The following USP34 variants were observed in gnomAD, a reference collection of about 807,000 sequenced individuals.
The protein encoded by USP34 is ubiquitin carboxyl-terminal hydrolase 34.
Under a neutral mutation model 460.3 loss-of-function variants are expected in USP34, and 70 were observed. The observed-to-expected ratio is 0.15, with a 90% CI of 0.13 to 0.19. USP34 has a LOEUF of 0.19. USP34 is among the 10% of genes least tolerant of loss of function. The pLI, the probability that USP34 is intolerant of heterozygous loss-of-function variation, is 1.00. For missense variants in USP34, 3,985 were observed against 4,236.2 expected (o/e 0.94, Z 1.65); for synonymous variants, 1,647 against 1,405.3 (o/e 1.17, Z -3.85).
chr2:61,262,563 C>A (rs549515770), intron 43 of USP34, among the ~76,000 whole-genome samples: 41 of 152,210 alleles, frequency 2.7e-4, no homozygotes, highest in Non-Finnish European at 2.1e-4. Context: ...ATATGTACCA[C>A]ATTTTCTTTA....
intron 20 of USP34, among the ~76,000 whole-genome samples, chr2:61,325,762 A>G (rs1031861020): frequency 3.3e-5 from 5 of 152,174 alleles, no homozygotes; most frequent in Non-Finnish European, 7.4e-5. Context: ...TAACACACAC[A>G]TAAGTTAGAA....
chr2:61,281,275 G>C (rs1689528675), intron 37 of USP34, 33 bp from the exon 38 acceptor site: 14 of 1,594,582 alleles, frequency 8.8e-6, no homozygotes, highest in Non-Finnish European at 1.1e-5. Context: ...CAAACAGTGA[G>C]AGTTAGTATT....
chr2:61,299,867 C>T (rs924917278), intron 29 of USP34, among the ~76,000 whole-genome samples: 2 of 152,176 alleles, frequency 1.3e-5, no homozygotes, highest in Admixed American at 1.3e-4. Flanking sequence ...CAAGTGATTA[C>T]CTGACATCTC....
intron 49 of USP34, among the ~76,000 whole-genome samples, chr2:61,247,844 G>C (rs1277999083): frequency 6.6e-6 from 1 of 151,516 alleles, no homozygotes; most frequent in Non-Finnish European, 1.5e-5. Context: ...GCCCACACTG[G>C]AGTGCAGTAG....
chr2:61,297,603 A>C (rs10518917), intron 29 of USP34, among the ~76,000 whole-genome samples: 4,442 of 152,320 alleles, frequency 0.029, 226 homozygotes, highest in African/African-American at 0.1. Context: ...TTTTCCACGG[A>C]GTATAAATTT....
chr2:61,334,702 T>C (rs1175758691), intron 18 of USP34, among the ~76,000 whole-genome samples: 1 of 152,230 alleles, frequency 6.6e-6, no homozygotes, highest in Non-Finnish European at 1.5e-5. Flanking sequence ...TGTTTGACGT[T>C]AGAGAAATAA....
chr2:61,280,332 T>C lies in USP34; in HGVS notation c.5168A>G (p.Glu1723Gly). 1 of 1,524,944 alleles carries C rather than the reference T, an allele frequency of 6.6e-7. No individual in the cohort carries two copies. The highest frequency in any genetic ancestry group is 1.4e-5 in the South Asian group (1 of 73,024). 94.5% of individuals were successfully genotyped at this position (1,524,944 alleles called of 1,614,324 possible). Residue 1723 changes from glutamate to glycine, a missense_variant, in exon 39 of 80, where the codon GAA (glutamate) becomes GGA (glycine). Glu to Gly is a moderately conservative substitution (Grantham distance 98). Transcript: ENST00000398571. ...ACATCCTGGTTTTAATATTGGTTCT[T>C]CCTCATAATCATCTATCTATTAAAA... Reference protein sequence around the residue: ...LKPIRIDDYEEEPILKPGCKE... With the variant: ...LKPIRIDDYEGEPILKPGCKE...
Position 61,342,133 on chromosome 2 carries a change from G to T in USP34, c.2500+1682C>A, listed in dbSNP as rs552342066. 1.3e-4 allele frequency among the ~76,000 whole-genome samples: 20 copies of T among 152,098 alleles called. No individual in the cohort carries two copies. The South Asian group carries it at 4.0e-3, about 30-fold the overall frequency. On this transcript the variant is annotated intron_variant, in intron 16 of 79. Transcript: ENST00000398571. Reference sequence around the variant, plus strand: ...AAGTGATTATATTTTATGTTCAACAGCAAGTTATGACAGTTCCAGCTCCAC... The same window carrying T: ...AAGTGATTATATTTTATGTTCAACATCAAGTTATGACAGTTCCAGCTCCAC...
At chr2:61,433,361 C>T (rs976914604) in intron 1 of USP34, among the ~76,000 whole-genome samples, 49 of 152,294 alleles carry the variant, frequency 3.2e-4, no homozygotes, top group African/African-American at 1.0e-3. Context: ...CGGCCAGGTG[C>T]GGTGGCTCAT....
intron 16 of USP34, among the ~76,000 whole-genome samples, chr2:61,341,739 C>CT (rs371415521): frequency 9.2e-5 from 14 of 151,642 alleles, no homozygotes; most frequent in African/African-American, 2.9e-4. Flanking sequence ...TATAAACTAC[C>CT]CAGACTCAGG....
chr2:61,249,309 G>A (rs1433655314), intron 48 of USP34, among the ~76,000 whole-genome samples: 1 of 152,186 alleles, frequency 6.6e-6, no homozygotes, highest in East Asian at 1.9e-4. Flanking sequence ...TACTGCGAAG[G>A]TAACCAAAAG....
At chr2:61,278,341 T>C in intron 40 of USP34, 47 bp downstream of exon 40, 1 of 1,609,058 alleles carries the variant, frequency 6.2e-7, no homozygotes, top group South Asian at 1.1e-5. Context: ...ATTATGTCTT[T>C]TATCTTTCCT....
At chr2:61,215,329 T>A (rs962017248) in intron 67 of USP34, among the ~76,000 whole-genome samples, 1 of 152,130 alleles carries the variant, frequency 6.6e-6, no homozygotes, top group Non-Finnish European at 1.5e-5. Flanking sequence ...ATAATATATA[T>A]TTAAGTTATA....
Position 61,281,335 on chromosome 2 carries a change from T to C in USP34, c.4999-93A>G. 2.1e-6 allele frequency: 3 copies of C among 1,430,370 alleles called. No individual in the cohort carries two copies. The South Asian group carries it at 4.4e-5, about 21-fold the overall frequency. The allele number at this position is 1,430,370 out of a possible 1,614,324, so 88.6% of individuals were successfully genotyped here. A position where few individuals can be genotyped will look rare whatever the true frequency, so the allele number is the denominator to read the frequency against. On this transcript the variant is annotated intron_variant, in intron 37 of 79. Coordinates refer to ENST00000398571, the MANE Select transcript of USP34 (RefSeq NM_014709.4). ...TAATTTTAGGTGATTTTAAATACAA[T>C]GTTCTGCCGGGCAAGCCTGTAATCC... is the stretch of plus-strand genomic sequence containing the variant.
At chr2:61,386,152 T>C (rs1025633135) in intron 5 of USP34, among the ~76,000 whole-genome samples, 1 of 152,046 alleles carries the variant, frequency 6.6e-6, no homozygotes, top group African/African-American at 2.4e-5. Context: ...CCCAAACCCA[T>C]GCACATAAAA....
chr2:61,416,852 G>C, intron 2 of USP34: 1 of 533,472 alleles, frequency 1.9e-6, no homozygotes, highest in Non-Finnish European at 3.2e-6. Flanking sequence ...GAATGTATTG[G>C]TATTAAGAGG....
chr2:61,252,709 A>C (rs1688619676), intron 48 of USP34, among the ~76,000 whole-genome samples: 1 of 152,242 alleles, frequency 6.6e-6, no homozygotes, highest in Non-Finnish European at 1.5e-5. Context: ...CAAATGAAGT[A>C]TAACAGAGTC....
intron 1 of USP34, 74 bp downstream of exon 1, chr2:61,470,576 G>T: frequency 9.3e-7 from 1 of 1,075,346 alleles, no homozygotes; most frequent in Non-Finnish European, 1.4e-6. Flanking sequence ...GGCCGCGGCA[G>T]CCCGGGGAGG....
At chr2:61,278,084 TA>T in intron 41 of USP34, 80 bp downstream of exon 41, 4 of 1,536,756 alleles carry the variant, frequency 2.6e-6, no homozygotes, top group Non-Finnish European at 3.5e-6. Flanking sequence ...ATGAGCAGTG[TA>T]AAAACGGACT....
Sources: allele counts gnomAD v4.1 joint callset (sites outside exome capture counted in the v4.1 genomes callset), GRCh38; gene constraint gnomAD v4.1.1; transcripts MANE v1.5; gene names NCBI Gene and HGNC (gene_info 2026-07-23, HGNC 2026-07-21).